Variants in HIF1AN observed in about 807,000 individuals in gnomAD.
HIF1AN encodes hypoxia inducible factor 1 subunit alpha inhibitor, also known as hypoxia-inducible factor 1-alpha inhibitor.
Under a neutral mutation model 47.7 loss-of-function variants are expected in HIF1AN, and 21 were observed. The ratio of observed to expected loss-of-function variants is 0.44; its 90% CI spans 0.31 to 0.63. The LOEUF is 0.63. HIF1AN is among the 30% of genes least tolerant of loss of function. The pLI is 0.07. For synonymous variants in HIF1AN, 152 were observed against 155.9 expected, an observed-to-expected ratio of 0.98 and a Z score of 0.18; for missense variants, 320 against 432.7, an observed-to-expected ratio of 0.74 and a Z score of 2.31.
At chr10:100,546,641 G>A (rs187058708) in intron 6 of HIF1AN, 60 bp downstream of exon 6, 14 of 1,294,610 alleles carry the variant, frequency 1.1e-5, no homozygotes, top group Admixed American at 7.1e-5. Context: ...GGTGAGGTAG[G>A]TATAATAAAT....
Position 100,554,841 on chromosome 10 carries a change from A to G in HIF1AN, c.*6704A>G, listed in dbSNP as rs1843201118. On this transcript the variant is annotated 3_prime_UTR_variant, in exon 8 of 8. Coordinates refer to ENST00000299163, the MANE Select transcript of HIF1AN (RefSeq NM_017902.3). ...AAAAAAAAATTATGAGTATGTTAAG[A>G]TTGTTCTAGGGGAGAAGGGCAATCA... The G allele has an allele frequency of 6.6e-6, 1 of 151,804 alleles. No individual in the cohort carries two copies. The highest frequency in any genetic ancestry group is 6.6e-5 in the Admixed American group (1 of 15,228). 9.4% of individuals were successfully genotyped at this position (151,804 alleles called of 1,614,324 possible).
Position 100,550,021 on chromosome 10 carries a change from A to T in HIF1AN, c.*1884A>T, listed in dbSNP as rs913520851. ...GGGAAATGTGATTGCAGTGATCTCT[A>T]TCTCTCCACTTCTTTTGGGAAAGAG... On this transcript the variant is annotated 3_prime_UTR_variant, in exon 8 of 8. Coordinates refer to ENST00000299163, the MANE Select transcript of HIF1AN (RefSeq NM_017902.3). 1 of 152,166 alleles carries T rather than the reference A, an allele frequency of 6.6e-6. No homozygotes were observed. Among genetic ancestry groups the T allele is most frequent in the Non-Finnish European group, 1.5e-5 (1 of 68,032 alleles). 9.4% of individuals were successfully genotyped at this position (152,166 alleles called of 1,614,324 possible).
chr10:100,557,455 G>GT lies in HIF1AN; in HGVS notation c.*9325dup, dbSNP rs1843223744. The GT allele has an allele frequency of 1.3e-5, 2 of 152,356 alleles. No homozygotes were observed. Among genetic ancestry groups the GT allele is most frequent in the South Asian group, 2.1e-4 (1 of 4,826 alleles). 9.4% of individuals were successfully genotyped at this position (152,356 alleles called of 1,614,324 possible). A position where few individuals can be genotyped will look rare whatever the true frequency, so the allele number is the denominator to read the frequency against. The stretch of plus-strand genomic sequence containing the variant: ...GGGTTTCGGGAGATTTTGTTTGTTT[G>GT]TTTTTTTGAGATGGAGTTTTCGCTC... On this transcript the variant is annotated 3_prime_UTR_variant, in exon 8 of 8. Coordinates refer to ENST00000299163, the MANE Select transcript of HIF1AN (RefSeq NM_017902.3).
rs1379785048 is a variant in HIF1AN at position 100,549,441 on chromosome 10, G to A, written c.*1304G>A. 1 of 152,254 alleles carries A rather than the reference G, an allele frequency of 6.6e-6. No homozygotes were observed. The highest frequency in any genetic ancestry group is 1.9e-4 in the East Asian group (1 of 5,196). The allele number at this position is 152,254 out of a possible 1,614,324, so 9.4% of individuals were successfully genotyped here. ...CAAACACATAGGCTTGCGTCTTAAA[G>A]CCAGCTCCTCTGCCAGACCCCGTTG... On this transcript the variant is annotated 3_prime_UTR_variant, in exon 8 of 8. Coordinates refer to ENST00000299163, the MANE Select transcript of HIF1AN (RefSeq NM_017902.3).
chr10:100,542,497 G>C (rs1400827511), intron 3 of HIF1AN, among the ~76,000 whole-genome samples: 1 of 152,078 alleles, frequency 6.6e-6, no homozygotes, highest in Non-Finnish European at 1.5e-5. Context: ...GGGACTACGG[G>C]CGCCCGCCAC....
rs1397875552 is a variant in HIF1AN, at chr10:100,536,645, C to T, written c.412C>T (p.Arg138Ter). ...FVEKLQDIQQ[R>*]GGEERLYLQQ... ...TGAGAAACTGCAGGATATACAGCAG[C>T]GAGGAGGGGAAGAGAGGTAAATTCC... The change falls in exon 2 of 8, where the codon CGA (arginine) becomes TGA (stop). Residue 138 changes from arginine to a stop codon, truncating the protein, a stop_gained. Coordinates refer to ENST00000299163, the MANE Select transcript of HIF1AN (RefSeq NM_017902.3). LOFTEE classifies it high-confidence loss of function. 6.2e-7 allele frequency: 1 copy of T among 1,614,022 alleles called. No homozygotes were observed. The highest frequency in any genetic ancestry group is 8.5e-7 in the Non-Finnish European group (1 of 1,179,990).
intron 1 of HIF1AN, 135 bp from the exon 2 acceptor site, chr10:100,536,276 C>G: frequency 1.5e-6 from 2 of 1,311,824 alleles, no homozygotes; most frequent in South Asian, 2.8e-5. Context: ...CGAGGAGATA[C>G]GGAACTTAGG....
intron 2 of HIF1AN, among the ~76,000 whole-genome samples, chr10:100,540,312 G>C (rs969864101): frequency 2.6e-5 from 4 of 152,152 alleles, no homozygotes; most frequent in African/African-American, 9.7e-5. Flanking sequence ...TGTAATCCCA[G>C]CACTTTGGGA....
Position 100,550,950 on chromosome 10 carries a change from C to CTG in HIF1AN, c.*2815_*2816dup. The CTG allele has an allele frequency of 6.6e-6, 1 of 152,318 alleles. No homozygotes were observed. Among genetic ancestry groups the CTG allele is most frequent in the East Asian group, 1.9e-4 (1 of 5,180 alleles). The allele number at this position is 152,318 out of a possible 1,614,324, so 9.4% of individuals were successfully genotyped here. ...GCTTGCCACAGAGGAAACATTTCTG[C>CTG]TGTAGTTGTTTACCTCCATCCTAGC... On this transcript the variant is annotated 3_prime_UTR_variant, in exon 8 of 8. Coordinates refer to ENST00000299163, the MANE Select transcript of HIF1AN (RefSeq NM_017902.3).
chr10:100,543,471 C>T (rs746496114), intron 3 of HIF1AN, among the ~76,000 whole-genome samples: 1 of 152,152 alleles, frequency 6.6e-6, no homozygotes, highest in African/African-American at 2.4e-5. Context: ...CCTTGGCCCC[C>T]TAAAGTGTTG....
Position 100,556,519 on chromosome 10 carries a change from T to G in HIF1AN, c.*8382T>G, listed in dbSNP as rs1018378385. 6.6e-6 allele frequency: 1 copy of G among 152,258 alleles called. No homozygotes were observed. Among genetic ancestry groups the G allele is most frequent in the African/African-American group, 2.4e-5 (1 of 41,448 alleles). The allele number at this position is 152,258 out of a possible 1,614,324, so 9.4% of individuals were successfully genotyped here. A position where few individuals can be genotyped will look rare whatever the true frequency, so the allele number is the denominator to read the frequency against. On this transcript the variant is annotated 3_prime_UTR_variant, in exon 8 of 8. Transcript: ENST00000299163. ...TCAGAGGTTACTGATGGGTAGAGAT[T>G]GTCAGAGTCTGCCTTGCTAGTCTAG...
intron 2 of HIF1AN, 140 bp downstream of exon 2, chr10:100,536,801 G>T: frequency 1.1e-6 from 1 of 935,930 alleles, no homozygotes; most frequent in Non-Finnish European, 1.6e-6. Context: ...GGAGTAGTCT[G>T]GTCTTCCAGC....
intron 4 of HIF1AN, 80 bp downstream of exon 4, chr10:100,545,176 G>C (rs1026654860): frequency 6.9e-7 from 1 of 1,454,266 alleles, no homozygotes; most frequent in African/African-American, 1.4e-5. Flanking sequence ...CCCCTTCCCC[G>C]TAGTGATATG....
At position 100,548,151 on chromosome 10, in the gene HIF1AN, A is replaced by T; in HGVS notation, c.*14A>T. On this transcript the variant is annotated 3_prime_UTR_variant, in exon 8 of 8. Transcript: ENST00000299163. ...CGATACAACTAGCCTGCCAGGGGTCAAGGCCTCCTGCCAGGTGACTGCTAT... is the reference window on the plus strand; with the variant it reads ...CGATACAACTAGCCTGCCAGGGGTCTAGGCCTCCTGCCAGGTGACTGCTAT... The T allele has an allele frequency of 6.2e-7, 1 of 1,602,748 alleles. No individual in the cohort carries two copies. Among genetic ancestry groups the T allele is most frequent in the South Asian group, 1.1e-5 (1 of 89,180 alleles).
At chr10:100,536,161 G>A in intron 1 of HIF1AN, 26 bp downstream of exon 1, 1 of 1,568,838 alleles carries the variant, frequency 6.4e-7, no homozygotes, top group Non-Finnish European at 8.6e-7. Flanking sequence ...GCGTCTAAAG[G>A]GAGAGGAGGA....
In HIF1AN at chr10:100,557,326, AT is replaced by A. The variant is rs1324792791; in HGVS notation, c.*9192del. On this transcript the variant is annotated 3_prime_UTR_variant, in exon 8 of 8. Coordinates refer to ENST00000299163, the MANE Select transcript of HIF1AN (RefSeq NM_017902.3). ...CATCTCGCTATGCTTCGGTCCCCTC[AT>A]TTAAAAAAATTGGTTAATAATATGA... 1.3e-5 allele frequency: 2 copies of A among 152,226 alleles called. No homozygotes were observed. Among genetic ancestry groups the A allele is most frequent in the Non-Finnish European group, 2.9e-5 (2 of 68,056 alleles). 9.4% of individuals were successfully genotyped at this position (152,226 alleles called of 1,614,324 possible). A position where few individuals can be genotyped will look rare whatever the true frequency, so the allele number is the denominator to read the frequency against.
rs1843187286 is a variant in HIF1AN at position 100,553,646 on chromosome 10, A to G, written c.*5509A>G. On this transcript the variant is annotated 3_prime_UTR_variant, in exon 8 of 8. Transcript: ENST00000299163. ...CATATGTCCTTTAACTTTCAATGGT[A>G]AACAATCTAGGATAGTGTTTAAAGG... 6.6e-6 allele frequency: 1 copy of G among 152,240 alleles called. No homozygotes were observed. Among genetic ancestry groups the G allele is most frequent in the Admixed American group, 6.5e-5 (1 of 15,284 alleles). The allele number at this position is 152,240 out of a possible 1,614,324, so 9.4% of individuals were successfully genotyped here.
chr10:100,550,131 G>A lies in HIF1AN; in HGVS notation c.*1994G>A, dbSNP rs763654294. On this transcript the variant is annotated 3_prime_UTR_variant, in exon 8 of 8. Coordinates refer to ENST00000299163, the MANE Select transcript of HIF1AN (RefSeq NM_017902.3). The stretch of plus-strand genomic sequence containing the variant: ...TTTCGTTCTCCTCAGCAGGTCTGCT[G>A]TATTCCTCGCTCAGCGCTCAAAGAT... 6.6e-5 allele frequency: 10 copies of A among 152,220 alleles called. No homozygotes were observed. The highest frequency in any genetic ancestry group is 1.9e-4 in the East Asian group (1 of 5,190). 9.4% of individuals were successfully genotyped at this position (152,220 alleles called of 1,614,324 possible).
In HIF1AN at chr10:100,540,652, G is replaced by A. The variant is rs1843017756; in HGVS notation, c.447G>A (p.Thr149=). 8 of 1,613,490 alleles carry A rather than the reference G, an allele frequency of 5.0e-6. No individual in the cohort carries two copies. The highest frequency in any genetic ancestry group is 2.2e-5 in the South Asian group (2 of 91,010). The change falls in exon 3 of 8, where the codon ACG becomes ACA. Residue 149 remains threonine, a synonymous_variant. Coordinates refer to ENST00000299163, the MANE Select transcript of HIF1AN (RefSeq NM_017902.3). ...GGEERLYLQQ[T]LNDTVGRKIV... Reference sequence around the variant, plus strand: ...AACATAGGTTGTATCTGCAGCAAACGCTCAATGACACTGTGGGCAGGAAGA... The same window carrying A: ...AACATAGGTTGTATCTGCAGCAAACACTCAATGACACTGTGGGCAGGAAGA...
Sources: gnomAD v4.1 joint callset for allele counts (sites outside exome capture counted in the v4.1 genomes callset) on GRCh38, gnomAD v4.1.1 for gene constraint, MANE v1.5 for transcripts, NCBI Gene and HGNC (gene_info 2026-07-23, HGNC 2026-07-21) for gene names.